Variants in DOCK1 observed in about 807,000 individuals in gnomAD.
The protein encoded by DOCK1 is dedicator of cytokinesis 1, also known as dedicator of cytokinesis protein 1.
A neutral mutation model predicts 262.7 loss-of-function variants in DOCK1; 138 were observed. The observed-to-expected ratio is 0.53, with a 90% confidence interval of 0.46 to 0.61. The LOEUF is 0.61. Among genes scored for constraint, DOCK1 ranks in the 20% least tolerant of loss-of-function variants. The pLI is 0.00. For missense variants in DOCK1, 1,908 were observed against 2,370.7 expected (o/e 0.80, Z 4.05); for synonymous variants, 866 against 867.4 (o/e 1.00, Z 0.03).
chr10:127,121,503 G>T (rs1050360099), intron 25 of DOCK1, among the ~76,000 whole-genome samples: 5 of 143,296 alleles, frequency 3.5e-5, no homozygotes, highest in Non-Finnish European at 7.8e-5. Context: ...CTGTCCATCT[G>T]TCTGTTTTTG....
chr10:127,188,871 G>A (rs2056511358), intron 27 of DOCK1, among the ~76,000 whole-genome samples: 1 of 152,242 alleles, frequency 6.6e-6, no homozygotes, highest in African/African-American at 2.4e-5. Flanking sequence ...TGGGGAAACA[G>A]AGGCACAGGT....
rs561906759 is a variant in DOCK1, at chr10:127,127,180, T to G, written c.2752-489T>G. On this transcript the variant is annotated intron_variant, in intron 26 of 51. Transcript: ENST00000623213. ...AATCAACAATCGCATCCCACACTAATAAAAGAGTTAATTTTTACTGAATGC... is the reference window on the plus strand; with the variant it reads ...AATCAACAATCGCATCCCACACTAAGAAAAGAGTTAATTTTTACTGAATGC... 7.3e-4 allele frequency among the ~76,000 whole-genome samples: 111 copies of G among 152,318 alleles called. 2 individuals carry two copies. The highest frequency in any genetic ancestry group is 2.5e-3 in the African/African-American group (106 of 41,570).
Position 127,374,111 on chromosome 10 carries a change from T to C in DOCK1, c.3572T>C (p.Phe1191Ser), listed in dbSNP as rs1204213099. 19 of 1,613,636 alleles carry C rather than the reference T, an allele frequency of 1.2e-5. No homozygotes were observed. The highest frequency in any genetic ancestry group is 1.4e-5 in the Non-Finnish European group (17 of 1,179,732). The change falls in exon 35 of 52, where the codon TTT becomes TCT. Residue 1191 changes from phenylalanine to serine, a missense_variant. Coordinates refer to ENST00000623213, the MANE Select transcript of DOCK1 (RefSeq NM_001290223.2). Reference protein sequence around the residue: ...HKYLAKTGETFVKLVVRLMER... With the variant: ...HKYLAKTGETSVKLVVRLMER... ...TACCTCGCCAAAACAGGAGAAACTT[T>C]TGTAAAACTCGTTGTGCGCTTAATG... is the stretch of plus-strand genomic sequence containing the variant.
At chr10:127,299,998 C>T (rs990260537) in intron 29 of DOCK1, among the ~76,000 whole-genome samples, 2 of 152,184 alleles carry the variant, frequency 1.3e-5, no homozygotes, top group African/African-American at 4.8e-5. Context: ...GAACTGACTC[C>T]GTTTCTCCAA....
intron 47 of DOCK1, among the ~76,000 whole-genome samples, chr10:127,427,231 C>T (rs911595417): frequency 3.3e-5 from 5 of 152,170 alleles, no homozygotes; most frequent in Admixed American, 2.0e-4. Flanking sequence ...AAAAGGAAGG[C>T]GAGCTGTGGG....
intron 28 of DOCK1, among the ~76,000 whole-genome samples, chr10:127,257,004 C>G (rs994100513): frequency 7.9e-5 from 12 of 152,118 alleles, no homozygotes; most frequent in Non-Finnish European, 1.8e-4. Context: ...AACCTGCAAG[C>G]CTTGTTTGTT....
chr10:127,405,883 G>T (rs997434908), intron 40 of DOCK1, among the ~76,000 whole-genome samples: 3 of 152,208 alleles, frequency 2.0e-5, no homozygotes, highest in Non-Finnish European at 4.4e-5. Flanking sequence ...CAGAAGCACA[G>T]ATTCTGAACA....
intron 29 of DOCK1, among the ~76,000 whole-genome samples, chr10:127,269,179 G>A (rs1818171615): frequency 6.6e-6 from 1 of 152,126 alleles, no homozygotes; most frequent in Admixed American, 6.5e-5. Context: ...GGAGTGTTTT[G>A]GGGGAATAAA....
chr10:126,946,475 G>C (rs1157869738), intron 1 of DOCK1, among the ~76,000 whole-genome samples: 1 of 152,270 alleles, frequency 6.6e-6, no homozygotes, highest in Admixed American at 6.5e-5. Context: ...TGACCCGGAA[G>C]GCGGAGGTTG....
At chr10:126,946,042 A>G (rs1335436365) in intron 1 of DOCK1, among the ~76,000 whole-genome samples, 1 of 152,248 alleles carries the variant, frequency 6.6e-6, no homozygotes, top group South Asian at 2.1e-4. Context: ...CATGCAGGGT[A>G]TCCACTGTAA....
At chr10:127,147,524 G>C (rs938369911) in intron 27 of DOCK1, among the ~76,000 whole-genome samples, 1 of 152,002 alleles carries the variant, frequency 6.6e-6, no homozygotes, top group South Asian at 2.1e-4. Context: ...GCTCTCTCTC[G>C]CCAGAGCTCT....
At chr10:127,415,453 C>G (rs2068100446) in intron 44 of DOCK1, among the ~76,000 whole-genome samples, 1 of 152,228 alleles carries the variant, frequency 6.6e-6, no homozygotes, top group Non-Finnish European at 1.5e-5. Context: ...ACGACCAACT[C>G]TAGCTTATCA....
intron 38 of DOCK1, among the ~76,000 whole-genome samples, chr10:127,397,139 C>G (rs10829962): frequency 0.1 from 3,354 of 32,698 alleles, 565 homozygotes; most frequent in Middle Eastern, 0.15. Context: ...ATCTGAGCAT[C>G]AGTTACACGG....
chr10:127,369,924 C>T (rs2065118685), intron 33 of DOCK1, among the ~76,000 whole-genome samples: 1 of 152,186 alleles, frequency 6.6e-6, no homozygotes. Flanking sequence ...GGACCAGTCA[C>T]TTGTAGGATG....
chr10:127,265,582 G>A (rs755276623), intron 29 of DOCK1, among the ~76,000 whole-genome samples: 2 of 152,110 alleles, frequency 1.3e-5, no homozygotes, highest in Non-Finnish European at 2.9e-5. Flanking sequence ...ATCCATTGAC[G>A]TAGCATATTA....
Position 127,012,103 on chromosome 10 carries a change from G to T in DOCK1, c.1059-129G>T. 1 of 627,746 alleles carries T rather than the reference G, an allele frequency of 1.6e-6. No homozygotes were observed. Among genetic ancestry groups the T allele is most frequent in the South Asian group, 1.9e-5 (1 of 51,502 alleles). The allele number at this position is 627,746 out of a possible 1,614,324, so 38.9% of individuals were successfully genotyped here. On this transcript the variant is annotated intron_variant, in intron 11 of 51. Transcript: ENST00000623213. This position sits in a 1 kb window ranked among gnomAD's most constrained non-coding sequence, Gnocchi z 4.0. The stretch of plus-strand genomic sequence containing the variant: ...CTTGTCACCTCTCCCATCCTTTGTC[G>T]TGCGTTGACTCATGATGCCTCCCTC...
chr10:127,191,673 C>T (rs958759234), intron 27 of DOCK1, among the ~76,000 whole-genome samples: 6 of 152,126 alleles, frequency 3.9e-5, no homozygotes, highest in Non-Finnish European at 8.8e-5. Context: ...AGTGGAATGA[C>T]CTAGAAACAC....
chr10:127,317,005 CT>C (rs1393419619), intron 29 of DOCK1, among the ~76,000 whole-genome samples: 9 of 152,212 alleles, frequency 5.9e-5, no homozygotes, highest in Non-Finnish European at 1.2e-4. Context: ...CTAAAGCGAG[CT>C]GACTTTTCTG....
At chr10:127,275,468 G>A (rs539704584) in intron 29 of DOCK1, among the ~76,000 whole-genome samples, 22 of 152,300 alleles carry the variant, frequency 1.4e-4, no homozygotes, top group Admixed American at 7.8e-4. Context: ...GGCTGTGGGC[G>A]TTCATTGGGT....
Sources: gnomAD v4.1 joint callset for allele counts (sites outside exome capture counted in the v4.1 genomes callset) on GRCh38, gnomAD v4.1.1 for gene constraint, Gnocchi (gnomAD v3.1) non-coding constraint, MANE v1.5 for transcripts, NCBI Gene and HGNC (gene_info 2026-07-23, HGNC 2026-07-21) for gene names.